The following GYPC variants were observed in gnomAD, a reference collection of about 807,000 sequenced individuals.
GYPC encodes glycophorin-C.
GYPC carries 14 observed loss-of-function variants against 12.6 expected under a neutral mutation model. The ratio of observed to expected loss-of-function variants is 1.11; its 90% confidence interval spans 0.74 to 1.74. GYPC has a LOEUF of 1.74. Among genes scored for constraint, GYPC ranks in the 40% most tolerant of loss-of-function variants. The pLI is 0.00. For synonymous variants in GYPC, 78 were observed against 62.1 expected (o/e 1.26, Z -1.20); for missense variants, 225 against 172.1 (o/e 1.31, Z -1.72).
chr2:126,657,970 T>C (rs1418111287), intron 1 of GYPC: 1 of 152,360 alleles, frequency 6.6e-6, no homozygotes, highest in East Asian at 1.9e-4. Flanking sequence ...TAGCTGCTCA[T>C]CAGAGCCAGA....
intron 1 of GYPC, among the ~76,000 whole-genome samples, chr2:126,682,071 C>T (rs762448263): frequency 2.0e-5 from 3 of 151,878 alleles, no homozygotes; most frequent in Non-Finnish European, 4.4e-5. Flanking sequence ...GGGTGTTCTG[C>T]GCTCCAGCCA....
At chr2:126,675,129 A>G (rs1002873336) in intron 1 of GYPC, among the ~76,000 whole-genome samples, 1 of 151,872 alleles carries the variant, frequency 6.6e-6, no homozygotes, top group Non-Finnish European at 1.5e-5. Flanking sequence ...CTGCAGCCCT[A>G]CCAGGCCCCG....
At chr2:126,666,902 C>T (rs1682699081) in intron 1 of GYPC, among the ~76,000 whole-genome samples, 1 of 152,194 alleles carries the variant, frequency 6.6e-6, no homozygotes, top group Non-Finnish European at 1.5e-5. Context: ...GCATTTGGTG[C>T]ATGGATCCTA....
In GYPC at chr2:126,683,099, T is replaced by G. The variant is rs534067501; in HGVS notation, c.50-7156T>G. On this transcript the variant is annotated intron_variant, in intron 1 of 3. Coordinates refer to ENST00000259254, the MANE Select transcript of GYPC (RefSeq NM_002101.5). ...TTGGGAGGCCAAGGCGGGCGGATCA[T>G]GTGAAGTCAGGAGTTCGAGACCAGC... Among the ~76,000 whole-genome samples the G allele has an allele frequency of 2.6e-5, 4 of 152,242 alleles. No individual in the cohort carries two copies. In the South Asian group the frequency reaches 8.3e-4, roughly 32 times the overall value.
rs1395502442 is a variant in GYPC, at chr2:126,695,872, G to A, written c.191-74G>A. ...TTGTATCTGTCCTCACACAACCCCT[G>A]TGGGTCTTGACCACCATCCCAGGCC... On this transcript the variant is annotated intron_variant, in intron 3 of 3. Coordinates refer to ENST00000259254, the MANE Select transcript of GYPC (RefSeq NM_002101.5). The A allele has an allele frequency of 5.2e-6, 6 of 1,142,992 alleles. No individual in the cohort carries two copies. In the East Asian group the frequency reaches 1.4e-4, roughly 27 times the overall value. 70.8% of individuals were successfully genotyped at this position (1,142,992 alleles called of 1,614,324 possible).
At chr2:126,663,657 G>A (rs1338831150) in intron 1 of GYPC, among the ~76,000 whole-genome samples, 30 of 152,180 alleles carry the variant, frequency 2.0e-4, no homozygotes, top group Admixed American at 1.9e-3. Context: ...CATCCATGTA[G>A]GCAAACAAGG....
At chr2:126,678,228 G>GGAAAGGAAAGGAAAGAGGAAA (rs1384861185) in intron 1 of GYPC, 13 of 150,504 alleles carry the variant, frequency 8.6e-5, no homozygotes, top group Admixed American at 2.7e-4. Flanking sequence ...TCTCAAAAAA[G>GGAAAGGAAAGGAAAGAGGAAA]GAAAGGAAAG....
chr2:126,693,788 T>G, intron 2 of GYPC, 76 bp from the exon 3 acceptor site: 2 of 964,114 alleles, frequency 2.1e-6, no homozygotes, highest in Non-Finnish European at 1.7e-6. Flanking sequence ...GAGCAAAGGA[T>G]GCAGCTTGGG....
In GYPC at chr2:126,666,708, T is replaced by TACACAC. The variant is rs67904410; in HGVS notation, c.49+10440_49+10445dup. Among the ~76,000 whole-genome samples the TACACAC allele has an allele frequency of 7.3e-3, 870 of 118,476 alleles. 8 individuals carry two copies. Among genetic ancestry groups the TACACAC allele is most frequent in the East Asian group, 0.034 (122 of 3,636 alleles). The allele number at this position is 118,476 out of a possible 152,430, so 77.7% of individuals were successfully genotyped here. The stretch of plus-strand genomic sequence containing the variant: ...CTCCTGCCCCCCTCCCCTCCCTCCC[T>TACACAC]ACACACACACACACACACACACACA... On this transcript the variant is annotated intron_variant, in intron 1 of 3. Transcript: ENST00000259254.
Position 126,691,651 on chromosome 2 carries a change from G to A in GYPC, c.106+1340G>A, listed in dbSNP as rs569302487. Among the ~76,000 whole-genome samples the A allele has an allele frequency of 3.4e-4, 52 of 152,232 alleles. 1 individual carries two copies. Among genetic ancestry groups the A allele is most frequent in the Admixed American group, 2.9e-3 (44 of 15,278 alleles). On this transcript the variant is annotated intron_variant, in intron 2 of 3. Transcript: ENST00000259254. ...CAACCAGCTCTGCCCTGTTTTCTGG[G>A]ACTTCCCTGGTTTTAGAATGAATAA...
In GYPC at chr2:126,676,806, G is replaced by A. The variant is rs1217686906; in HGVS notation, c.50-13449G>A. 5.9e-5 allele frequency among the ~76,000 whole-genome samples: 9 copies of A among 152,298 alleles called. No homozygotes were observed. In the East Asian group the frequency reaches 1.5e-3, roughly 26 times the overall value. ...AAGAGAGATGGCTTTTTCTCCCTAAGCACAGAGAAAGGACAGGATGGGCAC... is the reference window on the plus strand; with the variant it reads ...AAGAGAGATGGCTTTTTCTCCCTAAACACAGAGAAAGGACAGGATGGGCAC... On this transcript the variant is annotated intron_variant, in intron 1 of 3. Coordinates refer to ENST00000259254, the MANE Select transcript of GYPC (RefSeq NM_002101.5).
chr2:126,683,053 C>T (rs767522182), intron 1 of GYPC, among the ~76,000 whole-genome samples: 4 of 152,204 alleles, frequency 2.6e-5, no homozygotes, highest in Non-Finnish European at 4.4e-5. Context: ...TGAGATGGCT[C>T]ATGCCTGTAA....
At chr2:126,686,234 T>C in intron 1 of GYPC, 1 of 985,416 alleles carries the variant, frequency 1.0e-6, no homozygotes, top group Non-Finnish European at 1.2e-6. Context: ...TCCGTCCACA[T>C]CTGAAAAATA....
At chr2:126,663,950 GTCTCTCTCTCTC>G (rs61649506) in intron 1 of GYPC, among the ~76,000 whole-genome samples, 14,635 of 129,662 alleles carry the variant, frequency 0.11, 985 homozygotes, top group Middle Eastern at 0.2. Context: ...TAAGGTTCTG[GTCTCTCTCTCTC>G]TCTCTCTCTC....
At chr2:126,686,807 C>A (rs1270007639) in intron 1 of GYPC, among the ~76,000 whole-genome samples, 1 of 152,078 alleles carries the variant, frequency 6.6e-6, no homozygotes, top group Non-Finnish European at 1.5e-5. Context: ...CAAGCTTGGC[C>A]GTAATCAACA....
intron 1 of GYPC, among the ~76,000 whole-genome samples, chr2:126,660,564 G>T (rs559184523): frequency 2.0e-5 from 3 of 152,176 alleles, no homozygotes; most frequent in Non-Finnish European, 2.9e-5. Context: ...CCTTTTCCCA[G>T]AATTCTGACC....
At chr2:126,691,220 C>G (rs1458749988) in intron 2 of GYPC, among the ~76,000 whole-genome samples, 3 of 152,236 alleles carry the variant, frequency 2.0e-5, no homozygotes, top group African/African-American at 7.2e-5. Context: ...TAAGAAAAGA[C>G]AGAGGCTTGC....
At chr2:126,658,596 A>G (rs979575678) in intron 1 of GYPC, 1 of 152,258 alleles carries the variant, frequency 6.6e-6, no homozygotes, top group Non-Finnish European at 1.5e-5. Context: ...CTCTAAATAC[A>G]AAACCAAACA....
At position 126,693,132 on chromosome 2, in the gene GYPC, T is replaced by C. The variant is rs28369997; in HGVS notation, c.107-732T>C. Among the ~76,000 whole-genome samples the C allele has an allele frequency of 1.4e-4, 21 of 152,210 alleles. No individual in the cohort carries two copies. The South Asian group carries it at 1.9e-3, about 14-fold the overall frequency. ...GGGAGGTGGGACCTAGTGGGAGATA[T>C]TTGAGTCACAGGGGCAGATCCCTCA... is the stretch of plus-strand genomic sequence containing the variant. On this transcript the variant is annotated intron_variant, in intron 2 of 3. Transcript: ENST00000259254.
Sources: allele counts gnomAD v4.1 joint callset (sites outside exome capture counted in the v4.1 genomes callset), GRCh38; gene constraint gnomAD v4.1.1; transcripts MANE v1.5; gene names NCBI Gene and HGNC (gene_info 2026-07-23, HGNC 2026-07-21).